Variants in KLHL1 observed in about 807,000 individuals in gnomAD.
KLHL1 encodes the protein kelch-like protein 1.
Under a neutral mutation model 77.7 loss-of-function variants are expected in KLHL1, and 47 were observed. That is an observed-to-expected ratio of 0.60 (90% CI 0.48 to 0.77). The LOEUF is 0.77. Among genes scored for constraint, KLHL1 ranks in the 30% least tolerant of loss-of-function variants. KLHL1 has a pLI of 0.00. For missense variants in KLHL1, 925 were observed against 910.8 expected, an observed-to-expected ratio of 1.02 and a Z score of -0.20; for synonymous variants, 360 against 325.2, an observed-to-expected ratio of 1.11 and a Z score of -1.15.
chr13:69,732,678 GTCACCCCA>G (rs1873599862), intron 8 of KLHL1, among the ~76,000 whole-genome samples: 1 of 150,784 alleles, frequency 6.6e-6, no homozygotes, highest in African/African-American at 2.4e-5. Context: ...TCCTGTGAGT[GTCACCCCA>G]TCCTTTTCTC....
intron 4 of KLHL1, among the ~76,000 whole-genome samples, chr13:69,903,441 A>T (rs1367529824): frequency 6.6e-6 from 1 of 152,024 alleles, no homozygotes; most frequent in East Asian, 1.9e-4. Flanking sequence ...GCATTATTCA[A>T]TTGCATAAAC....
chr13:69,857,822 C>T (rs904690810), intron 5 of KLHL1, among the ~76,000 whole-genome samples: 2 of 151,472 alleles, frequency 1.3e-5, no homozygotes, highest in Non-Finnish European at 2.9e-5. Context: ...ATTTTTCACA[C>T]GTACCCTAGA....
chr13:70,046,846 G>A (rs529693676), intron 1 of KLHL1, among the ~76,000 whole-genome samples: 54 of 152,134 alleles, frequency 3.5e-4, no homozygotes, highest in African/African-American at 1.0e-3. Flanking sequence ...ACCAAGTACC[G>A]AAGCTGCAAT....
At chr13:69,799,859 T>G (rs1877296416) in intron 6 of KLHL1, among the ~76,000 whole-genome samples, 1 of 152,056 alleles carries the variant, frequency 6.6e-6, no homozygotes, top group Non-Finnish European at 1.5e-5. Context: ...CAGCAGGAGG[T>G]GAGCGGCACC....
intron 1 of KLHL1, among the ~76,000 whole-genome samples, chr13:70,033,592 C>T (rs1186046278): frequency 1.5e-5 from 2 of 137,230 alleles, no homozygotes; most frequent in East Asian, 2.2e-4. Context: ...AGGTGTGAGT[C>T]ACCGCAACTG....
At chr13:69,871,365 T>C (rs533352014) in intron 5 of KLHL1, among the ~76,000 whole-genome samples, 87 of 152,294 alleles carry the variant, frequency 5.7e-4, no homozygotes, top group African/African-American at 1.6e-3. Flanking sequence ...CCAGACTTTC[T>C]GAAATTACTT....
chr13:69,709,422 T>C (rs1248400927), intron 9 of KLHL1, among the ~76,000 whole-genome samples: 3 of 151,998 alleles, frequency 2.0e-5, no homozygotes, highest in Admixed American at 2.0e-4. Flanking sequence ...TAATAACCAA[T>C]AGCAAAAGAT....
At chr13:70,045,380 A>T (rs1886469549) in intron 1 of KLHL1, among the ~76,000 whole-genome samples, 2 of 152,040 alleles carry the variant, frequency 1.3e-5, no homozygotes, top group South Asian at 4.1e-4. Context: ...TTCTACAGGT[A>T]TTTTTTTAGT....
At chr13:69,881,627 C>G (rs1336477054) in intron 5 of KLHL1, among the ~76,000 whole-genome samples, 2 of 152,136 alleles carry the variant, frequency 1.3e-5, no homozygotes, top group Non-Finnish European at 2.9e-5. Flanking sequence ...TCAGAGAGAA[C>G]TAGCCACTCT....
At chr13:69,968,131 CA>C (rs1884273191) in intron 2 of KLHL1, among the ~76,000 whole-genome samples, 1 of 151,716 alleles carries the variant, frequency 6.6e-6, no homozygotes, top group Non-Finnish European at 1.5e-5. Context: ...CTGCAACCAC[CA>C]CCCTGATCAA....
At chr13:69,896,353 G>C (rs1346136240) in intron 4 of KLHL1, among the ~76,000 whole-genome samples, 1 of 151,858 alleles carries the variant, frequency 6.6e-6, no homozygotes, top group African/African-American at 2.4e-5. Flanking sequence ...TCTTATCGTT[G>C]GTTAATTAGT....
intron 4 of KLHL1, among the ~76,000 whole-genome samples, chr13:69,925,170 A>C (rs2138270997): frequency 6.6e-6 from 1 of 152,250 alleles, no homozygotes; most frequent in African/African-American, 2.4e-5. Context: ...CATCCCAAGT[A>C]TCCCATAACA....
intron 9 of KLHL1, among the ~76,000 whole-genome samples, chr13:69,708,701 C>T (rs1017752670): frequency 2.0e-5 from 3 of 151,920 alleles, no homozygotes; most frequent in African/African-American, 7.3e-5. Context: ...CCTGAAGACT[C>T]CTTTAATGAA....
intron 7 of KLHL1, among the ~76,000 whole-genome samples, chr13:69,747,753 G>A (rs1042535040): frequency 6.6e-6 from 1 of 151,908 alleles, no homozygotes; most frequent in Non-Finnish European, 1.5e-5. Flanking sequence ...ATGTTGCTAA[G>A]AACATTAGGA....
At chr13:70,093,430 A>G (rs1165802805) in intron 1 of KLHL1, among the ~76,000 whole-genome samples, 1 of 152,218 alleles carries the variant, frequency 6.6e-6, no homozygotes, top group Non-Finnish European at 1.5e-5. Flanking sequence ...TAGTAGTAAT[A>G]AAATAGTAAT....
chr13:69,855,656 G>C (rs535785022), intron 5 of KLHL1, among the ~76,000 whole-genome samples: 1 of 151,314 alleles, frequency 6.6e-6, no homozygotes, highest in African/African-American at 2.4e-5. Context: ...CTGCCGCCTC[G>C]TAAAGAAGGT....
intron 1 of KLHL1, among the ~76,000 whole-genome samples, chr13:70,060,750 G>T (rs1417792625): frequency 1.3e-5 from 2 of 152,116 alleles, no homozygotes; most frequent in East Asian, 3.9e-4. Context: ...GGAGGCTGAG[G>T]CAAGAGAATC....
chr13:70,008,738 TATTA>T (rs1383824973), intron 1 of KLHL1, among the ~76,000 whole-genome samples: 7 of 152,164 alleles, frequency 4.6e-5, no homozygotes, highest in Non-Finnish European at 7.4e-5. Context: ...GACAAAACTC[TATTA>T]ATTATTTGAA....
At chr13:70,082,263 A>C (rs1887410355) in intron 1 of KLHL1, among the ~76,000 whole-genome samples, 1 of 151,138 alleles carries the variant, frequency 6.6e-6, no homozygotes, top group Non-Finnish European at 1.5e-5. Context: ...GAATGGAATA[A>C]TATAGTCACT....
Sources: allele counts gnomAD v4.1 joint callset (sites outside exome capture counted in the v4.1 genomes callset), GRCh38; gene constraint gnomAD v4.1.1; transcripts MANE v1.5; gene names NCBI Gene and HGNC (gene_info 2026-07-23, HGNC 2026-07-21).